ANKRD26: variants seen among roughly 807,000 people sequenced by gnomAD.
The protein encoded by ANKRD26 is ankyrin repeat domain 26.
Under a neutral mutation model 208.7 loss-of-function variants are expected in ANKRD26, and 141 were observed. The ratio of observed to expected loss-of-function variants is 0.68; its 90% confidence interval spans 0.59 to 0.78. ANKRD26 has a LOEUF of 0.78. ANKRD26 is among the 30% of genes least tolerant of loss of function. The pLI is 0.00. For synonymous variants in ANKRD26, 636 were observed against 660.4 expected, an observed-to-expected ratio of 0.96 and a Z score of 0.57; for missense variants, 1,889 against 1,938.7, an observed-to-expected ratio of 0.97 and a Z score of 0.48.
Position 27,044,136 on chromosome 10 carries a change from A to G in ANKRD26, c.2019+21T>C, listed in dbSNP as rs573788926. On this transcript the variant is annotated intron_variant, in intron 19 of 33. Transcript: ENST00000376087. ...TGTATTTTTTTAAACAATAATTTTG[A>G]TAATTTATTTTTTACAGTACCTTGT... is the stretch of plus-strand genomic sequence containing the variant. 8.9e-6 allele frequency: 12 copies of G among 1,350,914 alleles called. No homozygotes were observed. In the East Asian group the frequency reaches 3.3e-4, roughly 37 times the overall value. The allele number at this position is 1,350,914 out of a possible 1,614,324, so 83.7% of individuals were successfully genotyped here. A position where few individuals can be genotyped will look rare whatever the true frequency, so the allele number is the denominator to read the frequency against.
intron 9 of ANKRD26, among the ~76,000 whole-genome samples, chr10:27,069,194 CAAAAAAAAAAAA>C (rs58833937): frequency 1.0e-4 from 9 of 88,072 alleles, no homozygotes; most frequent in Admixed American, 2.6e-4. Flanking sequence ...GACGTCGTCT[CAAAAAAAAAAAA>C]AAAAAAAAAA....
intron 5 of ANKRD26, among the ~76,000 whole-genome samples, chr10:26,992,735 A>G (rs955116829): frequency 1.3e-5 from 2 of 152,140 alleles, no homozygotes; most frequent in African/African-American, 4.8e-5. Context: ...TATTATGAGC[A>G]ATATCTTCTG....
At chr10:27,074,458 A>C (rs2135553811) in intron 9 of ANKRD26, among the ~76,000 whole-genome samples, 1 of 152,342 alleles carries the variant, frequency 6.6e-6, no homozygotes, top group African/African-American at 2.4e-5. Context: ...AGGTGGGTGG[A>C]TCGCTTGAGG....
chr10:27,076,625 G>C (rs562036320), intron 9 of ANKRD26, among the ~76,000 whole-genome samples: 1 of 152,046 alleles, frequency 6.6e-6, no homozygotes, highest in Non-Finnish European at 1.5e-5. Context: ...AGAAAAGAGA[G>C]AAGATTCAAA....
chr10:27,040,285 G>A (rs2054190491), intron 20 of ANKRD26, 107 bp from the exon 21 acceptor site: 1 of 800,088 alleles, frequency 1.2e-6, no homozygotes, highest in Non-Finnish European at 2.1e-6. Context: ...ACATATTGAG[G>A]GCCTACAATG....
At chr10:27,040,421 A>G (rs1313161100) in intron 20 of ANKRD26, among the ~76,000 whole-genome samples, 2 of 152,230 alleles carry the variant, frequency 1.3e-5, no homozygotes, top group Non-Finnish European at 2.9e-5. Context: ...GAATTCAGAT[A>G]GATGCTGTAA....
chr10:27,002,739 G>A (rs1362951512), downstream of ANKRD26, among the ~76,000 whole-genome samples: 1 of 152,196 alleles, frequency 6.6e-6, no homozygotes, highest in Non-Finnish European at 1.5e-5. Flanking sequence ...TGCTCCATGA[G>A]CCTGCCATAT....
intron 30 of ANKRD26, among the ~76,000 whole-genome samples, chr10:27,016,579 G>GC (rs138363042): frequency 6.9e-6 from 1 of 145,762 alleles, no homozygotes; most frequent in African/African-American, 2.5e-5. Context: ...GCCCAGCTTT[G>GC]TTTTTTTTTT....
Position 27,004,900 on chromosome 10 carries a change from C to T in ANKRD26, c.*690G>A, listed in dbSNP as rs948410721. 2 of 320,428 alleles carry T rather than the reference C, an allele frequency of 6.2e-6. No homozygotes were observed. Among genetic ancestry groups the T allele is most frequent in the Non-Finnish European group, 9.0e-6 (2 of 222,204 alleles). 19.8% of individuals were successfully genotyped at this position (320,428 alleles called of 1,614,324 possible). ...GTTGACTTTCTGATTGCAAGGTTTGCACTGTAGTTATGTAGAATGTCCTGA... is the reference window on the plus strand; with the variant it reads ...GTTGACTTTCTGATTGCAAGGTTTGTACTGTAGTTATGTAGAATGTCCTGA... On this transcript the variant is annotated 3_prime_UTR_variant, in exon 34 of 34. Coordinates refer to ENST00000376087, the MANE Select transcript of ANKRD26 (RefSeq NM_014915.3).
chr10:27,014,885 G>A (rs2053239400), intron 30 of ANKRD26, among the ~76,000 whole-genome samples, 174 bp from the exon 31 acceptor site: 1 of 152,144 alleles, frequency 6.6e-6, no homozygotes, highest in Non-Finnish European at 1.5e-5. Flanking sequence ...GGTTCTAATT[G>A]AAAAGGGAAT....
At chr10:26,972,127 C>G (rs534743089), downstream of ANKRD26, among the ~76,000 whole-genome samples, 4 of 150,740 alleles carry the variant, frequency 2.7e-5, no homozygotes, top group African/African-American at 7.3e-5. Context: ...CCCAGCTACT[C>G]GGGAGGCTGA....
chr10:26,954,944 T>C, the ANKRD26 span, among the ~76,000 whole-genome samples: 1 of 149,486 alleles, frequency 6.7e-6, no homozygotes, highest in South Asian at 2.1e-4. Flanking sequence ...ATAGCAGTTT[T>C]GTGCATCTAG....
At chr10:27,024,706 G>A in intron 27 of ANKRD26, 147 bp from the exon 28 acceptor site, 1 of 450,312 alleles carries the variant, frequency 2.2e-6, no homozygotes, top group South Asian at 4.4e-5. Context: ...GAACGGATTT[G>A]AAAAAATGAC....
chr10:27,001,608 C>T (rs1363146101), downstream of ANKRD26, among the ~76,000 whole-genome samples: 1 of 152,194 alleles, frequency 6.6e-6, no homozygotes, highest in Middle Eastern at 3.2e-3. Context: ...TGCAGAAAAT[C>T]TGGCCGCCCC....
chr10:27,047,722 C>CTACTACTAA (rs1235967013), intron 17 of ANKRD26, among the ~76,000 whole-genome samples: 113 of 145,134 alleles, frequency 7.8e-4, no homozygotes, highest in African/African-American at 8.6e-4. Flanking sequence ...ACTACTACTA[C>CTACTACTAA]TAATAATAAT....
intron 4 of ANKRD26, among the ~76,000 whole-genome samples, chr10:27,087,445 A>G (rs1024028318): frequency 1.3e-5 from 2 of 152,250 alleles, no homozygotes; most frequent in African/African-American, 2.4e-5. Context: ...ATGTTTCTCC[A>G]AAGGTTCTAA....
chr10:27,030,578 G>C (rs2053832816), intron 25 of ANKRD26: 1 of 985,250 alleles, frequency 1.0e-6, no homozygotes. Context: ...AAAGCGGTAT[G>C]AATCTACGGA....
chr10:26,987,496 G>C (rs1006952650), downstream of ANKRD26, among the ~76,000 whole-genome samples: 2 of 152,100 alleles, frequency 1.3e-5, no homozygotes, highest in African/African-American at 2.4e-5. Flanking sequence ...AGGAAACCAC[G>C]GCATAGCCTG....
intron 17 of ANKRD26, 146 bp downstream of exon 17, chr10:27,048,655 A>G: frequency 2.9e-6 from 2 of 697,418 alleles, no homozygotes; most frequent in Non-Finnish European, 4.6e-6. Flanking sequence ...ATTGTTTGCT[A>G]ATTTGCATTT....
Sources: allele counts gnomAD v4.1 joint callset (sites outside exome capture counted in the v4.1 genomes callset), GRCh38; gene constraint gnomAD v4.1.1; transcripts MANE v1.5; gene names NCBI Gene and HGNC (gene_info 2026-07-23, HGNC 2026-07-21).